STRBP: variants seen among roughly 807,000 people sequenced by gnomAD.
STRBP encodes the protein spermatid perinuclear RNA binding protein, also known as spermatid perinuclear RNA-binding protein.
In STRBP, 13 loss-of-function variants were observed where a neutral mutation model predicts 80.1. That is an observed-to-expected ratio of 0.16 (90% CI 0.11 to 0.26). The LOEUF (loss-of-function observed/expected upper bound fraction) is 0.26, where lower values mean the gene tolerates loss of function less well. STRBP is among the 10% of genes least tolerant of loss of function. The pLI is 1.00. For synonymous variants in STRBP, 284 were observed against 291.2 expected (o/e 0.98, Z 0.25); for missense variants, 485 against 815.2 (o/e 0.59, Z 4.93).
At chr9:123,234,998 G>A (rs1023100876) in intron 2 of STRBP, among the ~76,000 whole-genome samples, 7 of 29,678 alleles carry the variant, frequency 2.4e-4, no homozygotes, top group Admixed American at 6.8e-4. Flanking sequence ...TTTTTTTTTG[G>A]GGGGGGGGGG....
rs750121652 is a variant in STRBP at position 123,115,441 on chromosome 9, AGAG to A, written c.*84+485_*84+487del. 3.6e-5 allele frequency: 17 copies of A among 468,050 alleles called. No homozygotes were observed. The highest frequency in any genetic ancestry group is 6.2e-5 in the Non-Finnish European group (14 of 225,128). 29.0% of individuals were successfully genotyped at this position (468,050 alleles called of 1,614,324 possible). A position where few individuals can be genotyped will look rare whatever the true frequency, so the allele number is the denominator to read the frequency against. On this transcript the variant is annotated intron_variant and NMD_transcript_variant, in intron 3 of 3. Transcript: ENST00000471564. The surrounding 1 kb of genome is among the most constrained non-coding windows in gnomAD (Gnocchi z 5.0). ...CCCACTGAAGCCTTTCTCCCTGCAC[AGAG>A]GAGGACTCTCATTCTGTTCAAATCC... is the stretch of plus-strand genomic sequence containing the variant.
chr9:123,160,703 T>G lies in STRBP; in HGVS notation c.628-241A>C, dbSNP rs371187688. 3.9e-4 allele frequency among the ~76,000 whole-genome samples: 60 copies of G among 152,324 alleles called. 1 individual carries two copies. The South Asian group carries it at 0.012, about 29-fold the overall frequency. On this transcript the variant is annotated intron_variant, in intron 7 of 18. Transcript: ENST00000348403. ...AACCCCACTCCAGGCAACTACCTAA[T>G]TTAACCTTTAGCTTTTCTCAGTCAT...
intron 16 of STRBP, 88 bp from the exon 17 acceptor site, chr9:123,133,056 A>G: frequency 1.3e-6 from 2 of 1,527,156 alleles, no homozygotes; most frequent in Non-Finnish European, 1.8e-6. Flanking sequence ...CAACTATGAG[A>G]AACTGTGAGC....
chr9:123,220,451 T>A (rs933893622), intron 2 of STRBP, among the ~76,000 whole-genome samples: 1 of 152,270 alleles, frequency 6.6e-6, no homozygotes, highest in Admixed American at 6.5e-5. Flanking sequence ...ACAGTAAAAA[T>A]ATGATATAAT....
intron 6 of STRBP, among the ~76,000 whole-genome samples, chr9:123,161,983 T>C (rs1044078212): frequency 6.6e-6 from 1 of 152,244 alleles, no homozygotes; most frequent in Non-Finnish European, 1.5e-5. Flanking sequence ...AATAATTCTT[T>C]GTTTAATACA....
chr9:123,217,456 ATGTC>A (rs2039933515), intron 2 of STRBP, among the ~76,000 whole-genome samples: 1 of 152,256 alleles, frequency 6.6e-6, no homozygotes, highest in South Asian at 2.1e-4. Context: ...TATTTAAAGA[ATGTC>A]TTTTCTAAGT....
At chr9:123,252,955 CA>C (rs1334689015) in intron 1 of STRBP, among the ~76,000 whole-genome samples, 1 of 152,156 alleles carries the variant, frequency 6.6e-6, no homozygotes, top group Non-Finnish European at 1.5e-5. Context: ...ACTGGCCTAC[CA>C]AAAGTTCTTT....
At chr9:123,137,394 TTTTG>T (rs2036401707) in intron 14 of STRBP, among the ~76,000 whole-genome samples, 1 of 151,500 alleles carries the variant, frequency 6.6e-6, no homozygotes, top group Non-Finnish European at 1.5e-5. Flanking sequence ...AAAGTGTTAA[TTTTG>T]TTTTTTTTGT....
chr9:123,133,280 A>C (rs2036217489), intron 16 of STRBP, among the ~76,000 whole-genome samples: 1 of 152,248 alleles, frequency 6.6e-6, no homozygotes, highest in Non-Finnish European at 1.5e-5. Context: ...GTAATCATAC[A>C]CACTTGGTAC....
chr9:123,134,436 C>G (rs1002643436), intron 16 of STRBP, among the ~76,000 whole-genome samples: 5 of 152,174 alleles, frequency 3.3e-5, no homozygotes, highest in African/African-American at 4.8e-5. Flanking sequence ...GGGCAGGAGA[C>G]AGTTTCAAGG....
At chr9:123,157,631 C>T (rs1263021525) in intron 11 of STRBP, among the ~76,000 whole-genome samples, 1 of 152,116 alleles carries the variant, frequency 6.6e-6, no homozygotes, top group Non-Finnish European at 1.5e-5. Flanking sequence ...AGGAAACTTA[C>T]AATCATGGCA....
intron 1 of STRBP, among the ~76,000 whole-genome samples, chr9:123,238,347 A>T (rs571117004): frequency 3.3e-5 from 5 of 152,392 alleles, no homozygotes; most frequent in African/African-American, 9.6e-5. Flanking sequence ...CGTATCAATA[A>T]GGCTAGCAGA....
At chr9:123,184,018 T>C in intron 3 of STRBP, 114 bp downstream of exon 3, 1 of 1,061,904 alleles carries the variant, frequency 9.4e-7, no homozygotes, top group Admixed American at 2.3e-5. Flanking sequence ...TATGACACAC[T>C]AAAGCCAAAA....
At chr9:123,137,192 A>C (rs932768352) in intron 14 of STRBP, among the ~76,000 whole-genome samples, 1 of 152,218 alleles carries the variant, frequency 6.6e-6, no homozygotes, top group Non-Finnish European at 1.5e-5. Context: ...TAGTGAAATA[A>C]TTCATGCAAG....
chr9:123,122,605 G>C lies in STRBP; in HGVS notation c.*2992C>G, dbSNP rs1308093249. 2 of 1,082,884 alleles carry C rather than the reference G, an allele frequency of 1.8e-6. No individual in the cohort carries two copies. The highest frequency in any genetic ancestry group is 2.3e-6 in the Non-Finnish European group (2 of 888,722). The allele number at this position is 1,082,884 out of a possible 1,614,324, so 67.1% of individuals were successfully genotyped here. On this transcript the variant is annotated 3_prime_UTR_variant, in exon 19 of 19. Transcript: ENST00000348403. ...CATCTAGTCAGCATGAGGTATGTTGGAAATCTACTGGACCAATTACCTTGC... is the reference window on the plus strand; with the variant it reads ...CATCTAGTCAGCATGAGGTATGTTGCAAATCTACTGGACCAATTACCTTGC...
intron 2 of STRBP, among the ~76,000 whole-genome samples, chr9:123,195,552 C>T (rs1284285601): frequency 6.6e-6 from 1 of 152,106 alleles, no homozygotes; most frequent in African/African-American, 2.4e-5. Context: ...TATATGCCAA[C>T]AGCAAACACT....
At position 123,155,017 on chromosome 9, in the gene STRBP, T is replaced by C. The variant is rs559123514; in HGVS notation, c.1045+2995A>G. Among the ~76,000 whole-genome samples, 4 of 152,266 alleles carry C rather than the reference T, an allele frequency of 2.6e-5. No homozygotes were observed. In the South Asian group the frequency reaches 8.3e-4, roughly 32 times the overall value. On this transcript the variant is annotated intron_variant, in intron 11 of 18. Coordinates refer to ENST00000348403, the MANE Select transcript of STRBP (RefSeq NM_018387.5). ...CGCTGGTGAGAGAACAGATAATTGC[T>C]GGAATAATGTCCATTGGTAGGCAAG...
intron 1 of STRBP, among the ~76,000 whole-genome samples, chr9:123,239,782 C>A (rs1257196265): frequency 6.6e-6 from 1 of 152,176 alleles, no homozygotes; most frequent in Non-Finnish European, 1.5e-5. Context: ...AGTGTAGCAT[C>A]TGAATTTATG....
intron 2 of STRBP, among the ~76,000 whole-genome samples, chr9:123,189,202 C>T (rs1405843575): frequency 2.7e-5 from 4 of 150,622 alleles, no homozygotes; most frequent in African/African-American, 9.8e-5. Flanking sequence ...AGCAAACTAT[C>T]GCAAGGACAG....
Sources: gnomAD v4.1 joint callset for allele counts (sites outside exome capture counted in the v4.1 genomes callset) on GRCh38, gnomAD v4.1.1 for gene constraint, Gnocchi (gnomAD v3.1) non-coding constraint, MANE v1.5 for transcripts, NCBI Gene and HGNC (gene_info 2026-07-23, HGNC 2026-07-21) for gene names.